The following ALDH3A2 variants were observed in gnomAD, a reference collection of about 807,000 sequenced individuals.
ALDH3A2 encodes aldehyde dehydrogenase 3 family member A2.
Under a neutral mutation model 51.3 loss-of-function variants are expected in ALDH3A2, and 36 were observed. That is an observed-to-expected ratio of 0.70 (90% CI 0.54 to 0.93). The LOEUF (loss-of-function observed/expected upper bound fraction) is 0.93. ALDH3A2 is among the 40% of genes least tolerant of loss of function. ALDH3A2 has a pLI of 0.00. For missense variants in ALDH3A2, 552 were observed against 603.1 expected (o/e 0.92, Z 0.89); for synonymous variants, 199 against 219.8 (o/e 0.91, Z 0.84).
At chr17:19,674,600 A>G (rs1480891453) in intron 9 of ALDH3A2, 1 of 152,140 alleles carries the variant, frequency 6.6e-6, no homozygotes, top group Non-Finnish European at 1.5e-5. Flanking sequence ...AGGGTGAGGG[A>G]GTAGGTGTCA....
At chr17:19,659,177 G>A (rs1055476188) in intron 5 of ALDH3A2, among the ~76,000 whole-genome samples, 2 of 152,106 alleles carry the variant, frequency 1.3e-5, no homozygotes, top group Non-Finnish European at 2.9e-5. Context: ...CTTGCAGTGA[G>A]CCAAGATCAT....
chr17:19,663,625 C>A, intron 7 of ALDH3A2, 126 bp downstream of exon 7: 1 of 1,153,338 alleles, frequency 8.7e-7, no homozygotes. Flanking sequence ...ATGTCAGAGT[C>A]CATCCACTAA....
chr17:19,649,237 G>A (rs187589469), intron 1 of ALDH3A2, 113 bp downstream of exon 1: 1 of 1,377,286 alleles, frequency 7.3e-7, no homozygotes, highest in East Asian at 2.5e-5. Context: ...CTCCAGCACT[G>A]GGAGTATGAT....
At position 19,649,250 on chromosome 17, in the gene ALDH3A2, C is replaced by A. The variant is rs2084781408; in HGVS notation, c.153+126C>A. Reference sequence around the variant, plus strand: ...TACTCCAGCACTGGGAGTATGATCTCCAGCGATACAGATAAAGCCAAAGTT... The same window carrying A: ...TACTCCAGCACTGGGAGTATGATCTACAGCGATACAGATAAAGCCAAAGTT... On this transcript the variant is annotated intron_variant, in intron 1 of 9. Coordinates refer to ENST00000176643, the MANE Select transcript of ALDH3A2 (RefSeq NM_000382.3). 48 of 1,322,804 alleles carry A rather than the reference C, an allele frequency of 3.6e-5. No individual in the cohort carries two copies. In the South Asian group the frequency reaches 6.7e-4, roughly 19 times the overall value. 81.9% of individuals were successfully genotyped at this position (1,322,804 alleles called of 1,614,324 possible).
chr17:19,653,219 A>G (rs918348282), intron 3 of ALDH3A2, among the ~76,000 whole-genome samples: 5 of 151,310 alleles, frequency 3.3e-5, no homozygotes, highest in Non-Finnish European at 5.9e-5. Context: ...TAGTTTTTGT[A>G]TTTTTGGTAG....
At chr17:19,650,514 T>C (rs969136197) in intron 1 of ALDH3A2, among the ~76,000 whole-genome samples, 1 of 151,992 alleles carries the variant, frequency 6.6e-6, no homozygotes, top group African/African-American at 2.4e-5. Flanking sequence ...ACTGCAGTGG[T>C]GCTCTTTTGG....
chr17:19,652,324 G>C (rs576964645), intron 2 of ALDH3A2, among the ~76,000 whole-genome samples: 17 of 152,296 alleles, frequency 1.1e-4, no homozygotes, highest in African/African-American at 3.6e-4. Context: ...AGTGGGAAAG[G>C]CTGCTGGAAC....
chr17:19,672,035 C>T (rs1315237650), intron 9 of ALDH3A2, 79 bp downstream of exon 9: 1 of 1,293,414 alleles, frequency 7.7e-7, no homozygotes, highest in African/African-American at 1.5e-5. Context: ...TAGCAGGACT[C>T]TACATTAACT....
intron 9 of ALDH3A2, 91 bp downstream of exon 9, chr17:19,672,047 G>T (rs1477692996): frequency 8.1e-7 from 1 of 1,237,992 alleles, no homozygotes; most frequent in African/African-American, 1.5e-5. Context: ...ACATTAACTT[G>T]TAGAGTCTAA....
At chr17:19,661,835 C>T (rs920019512) in intron 6 of ALDH3A2, among the ~76,000 whole-genome samples, 3 of 150,874 alleles carry the variant, frequency 2.0e-5, no homozygotes, top group Non-Finnish European at 4.4e-5. Context: ...TACTTATCCC[C>T]TTTATCAGAT....
At position 19,649,081 on chromosome 17, in the gene ALDH3A2, G is replaced by T. The variant is rs200274842; in HGVS notation, c.110G>T (p.Arg37Leu). The change falls in exon 1 of 10, where the codon CGC becomes CTC. Residue 37 changes from arginine to leucine, a missense_variant. Arg to Leu is a moderately radical substitution (Grantham distance 102, BLOSUM62 -2). Coordinates refer to ENST00000176643, the MANE Select transcript of ALDH3A2 (RefSeq NM_000382.3). ...GCCCTGCGGAGGATGGTGCAGGAGC[G>T]CGAGAAGGATATCCTGACGGCCATC... ...LEALRRMVQEREKDILTAIAA... is the reference protein window; with the variant it reads ...LEALRRMVQELEKDILTAIAA... 6.3e-7 allele frequency: 1 copy of T among 1,583,428 alleles called. No homozygotes were observed. Among genetic ancestry groups the T allele is most frequent in the Non-Finnish European group, 8.6e-7 (1 of 1,165,444 alleles).
rs565165975 is a variant in ALDH3A2, at chr17:19,654,589, G to A, written c.472-1777G>A. Among the ~76,000 whole-genome samples, 166 of 152,248 alleles carry A rather than the reference G, an allele frequency of 1.1e-3. No individual in the cohort carries two copies. The highest frequency in any genetic ancestry group is 1.9e-3 in the Non-Finnish European group (126 of 68,000). ...AAGCCCCTCATTGCCCAGGGCTGGC[G>A]GCGCCGGCCAGCTGCTCCGAGTGTG... On this transcript the variant is annotated intron_variant, in intron 3 of 9. Coordinates refer to ENST00000176643, the MANE Select transcript of ALDH3A2 (RefSeq NM_000382.3). This position sits in a 1 kb window ranked among gnomAD's most constrained non-coding sequence, Gnocchi z 4.5.
At chr17:19,653,048 T>C (rs1375785756) in intron 3 of ALDH3A2, among the ~76,000 whole-genome samples, 2 of 139,626 alleles carry the variant, frequency 1.4e-5, no homozygotes, top group Non-Finnish European at 3.2e-5. Context: ...ATAAGAGTAC[T>C]TTTTTTTTTT....
At chr17:19,665,545 AGCCTCTCCTTGAATT>A (rs2085026067) in intron 8 of ALDH3A2, among the ~76,000 whole-genome samples, 1 of 152,090 alleles carries the variant, frequency 6.6e-6, no homozygotes. Flanking sequence ...TGGGAGGAGC[AGCCTCTCCTTGAATT>A]GTTTTGTGAT....
intron 9 of ALDH3A2, among the ~76,000 whole-genome samples, chr17:19,673,748 A>G (rs2085153083): frequency 1.3e-5 from 2 of 152,182 alleles, no homozygotes. Context: ...AGAATGTTTA[A>G]CTTACTTATC....
intron 5 of ALDH3A2, among the ~76,000 whole-genome samples, chr17:19,659,304 A>G (rs990796743): frequency 1.3e-5 from 2 of 152,116 alleles, no homozygotes; most frequent in Non-Finnish European, 2.9e-5. Flanking sequence ...TTGGGAGGCT[A>G]AGGTGGGAAG....
chr17:19,648,483 G>T (rs1448564142), upstream of ALDH3A2: 2 of 154,922 alleles, frequency 1.3e-5, no homozygotes, highest in Non-Finnish European at 2.9e-5. Context: ...AGCGCCCTCC[G>T]CCTGCTCCTC....
At chr17:19,658,120 T>TTTAAAA (rs2084921478) in intron 5 of ALDH3A2, among the ~76,000 whole-genome samples, 1 of 152,198 alleles carries the variant, frequency 6.6e-6, no homozygotes, top group African/African-American at 2.4e-5. Flanking sequence ...ATACTTTTTT[T>TTTAAAA]AAAAAAGTTA....
At position 19,648,832 on chromosome 17, in the gene ALDH3A2, T is replaced by A; in HGVS notation, c.-140T>A. 1 of 1,181,130 alleles carries A rather than the reference T, an allele frequency of 8.5e-7. No homozygotes were observed. The highest frequency in any genetic ancestry group is 1.4e-5 in the South Asian group (1 of 70,238). 73.2% of individuals were successfully genotyped at this position (1,181,130 alleles called of 1,614,324 possible). On this transcript the variant is annotated 5_prime_UTR_variant, in exon 1 of 10. Coordinates refer to ENST00000176643, the MANE Select transcript of ALDH3A2 (RefSeq NM_000382.3). ...GCTGAGCGAGCGAGCCCTGGGCGAG[T>A]GAATTGTGGCTGTGGGTTGACGGTG... is the stretch of plus-strand genomic sequence containing the variant.
Sources: allele counts gnomAD v4.1 joint callset (sites outside exome capture counted in the v4.1 genomes callset), GRCh38; gene constraint gnomAD v4.1.1; non-coding constraint Gnocchi (gnomAD v3.1); transcripts MANE v1.5; gene names NCBI Gene and HGNC (gene_info 2026-07-23, HGNC 2026-07-21).